DLGAP1: variants seen among roughly 807,000 people sequenced by gnomAD.
DLGAP1 encodes DLG associated protein 1.
A neutral mutation model predicts 90.8 loss-of-function variants in DLGAP1; 11 were observed. The observed-to-expected ratio is 0.12, with a 90% confidence interval of 0.08 to 0.20. The LOEUF (loss-of-function observed/expected upper bound fraction) is 0.20, where lower values mean the gene tolerates loss of function less well. Ranked by LOEUF, DLGAP1 falls within the 10% of genes least tolerant of loss-of-function variation. The pLI is 1.00. For missense variants in DLGAP1, 1,050 were observed against 1,333.8 expected, an observed-to-expected ratio of 0.79 and a Z score of 3.31; for synonymous variants, 558 against 540.7, an observed-to-expected ratio of 1.03 and a Z score of -0.44.
At chr18:3,826,349 G>A (rs2067710349) in intron 4 of DLGAP1, among the ~76,000 whole-genome samples, 1 of 152,178 alleles carries the variant, frequency 6.6e-6, no homozygotes, top group South Asian at 2.1e-4. Flanking sequence ...TGTATGTTAG[G>A]CAATGATACG....
chr18:4,401,599 C>T (rs370964685), intron 1 of DLGAP1, among the ~76,000 whole-genome samples: 4 of 152,024 alleles, frequency 2.6e-5, no homozygotes, highest in African/African-American at 7.2e-5. Flanking sequence ...AGCATAATCC[C>T]GTTGATCATA....
intron 1 of DLGAP1, among the ~76,000 whole-genome samples, chr18:4,202,577 G>T (rs1353470146): frequency 6.6e-6 from 1 of 152,066 alleles, no homozygotes. Context: ...AACACATTAT[G>T]GCAAGCCAGG....
In DLGAP1 at chr18:4,334,805, A is replaced by T. The variant is rs755557135; in HGVS notation, c.-267+120201T>A. Among the ~76,000 whole-genome samples the T allele has an allele frequency of 5.1e-4, 77 of 151,906 alleles. 1 individual carries two copies. The highest frequency in any genetic ancestry group is 1.0e-3 in the Non-Finnish European group (68 of 68,026). ...TTAAGAATGATTTTAAATAGAAGCAATATATTCCTTTGAGTTTGACTTTAT... is the reference window on the plus strand; with the variant it reads ...TTAAGAATGATTTTAAATAGAAGCATTATATTCCTTTGAGTTTGACTTTAT... On this transcript the variant is annotated intron_variant, in intron 1 of 12. Coordinates refer to ENST00000315677, the MANE Select transcript of DLGAP1 (RefSeq NM_004746.4).
rs779828063 is a variant in DLGAP1, at chr18:3,814,292, G to T, written c.958-19C>A. On this transcript the variant is annotated intron_variant, in intron 4 of 12. Coordinates refer to ENST00000315677, the MANE Select transcript of DLGAP1 (RefSeq NM_004746.4). ...GTGGAACCTATTCAGATAGAAAACA[G>T]ATAAATCACTTTTTATAAAAGCCTA... is the stretch of plus-strand genomic sequence containing the variant. 2 of 1,594,158 alleles carry T rather than the reference G, an allele frequency of 1.3e-6. No homozygotes were observed. Among genetic ancestry groups the T allele is most frequent in the Non-Finnish European group, 1.7e-6 (2 of 1,165,470 alleles).
At chr18:4,325,250 C>A (rs1598903281) in intron 1 of DLGAP1, among the ~76,000 whole-genome samples, 1 of 152,192 alleles carries the variant, frequency 6.6e-6, no homozygotes, top group South Asian at 2.1e-4. Flanking sequence ...GAACACAATC[C>A]CATTTATAAT....
chr18:4,258,002 TGTGTGTGTGCGC>T lies in DLGAP1; in HGVS notation c.-266-106727_-266-106716del, dbSNP rs1296242896. On this transcript the variant is annotated intron_variant, in intron 1 of 12. Transcript: ENST00000315677. ...GTGTGTGTGTGTGTGTGTGTGTGTG[TGTGTGTGTGCGC>T]GCGCGCGCGTATAACCTATGTTGAA... 4.3e-3 allele frequency among the ~76,000 whole-genome samples: 622 copies of T among 144,254 alleles called. 2 individuals are homozygous for T. Among genetic ancestry groups the T allele is most frequent in the African/African-American group, 0.017 (601 of 34,882 alleles). The allele number at this position is 144,254 out of a possible 152,430, so 94.6% of individuals were successfully genotyped here. A position where few individuals can be genotyped will look rare whatever the true frequency, so the allele number is the denominator to read the frequency against.
intron 1 of DLGAP1, among the ~76,000 whole-genome samples, chr18:4,319,510 G>A (rs937067964): frequency 1.3e-5 from 2 of 152,070 alleles, no homozygotes; most frequent in Non-Finnish European, 2.9e-5. Flanking sequence ...GGGGATCCTG[G>A]GAGGAGAAAT....
rs542122161 is a variant in DLGAP1, at chr18:3,916,254, G to A, written c.-72-36114C>T. On this transcript the variant is annotated intron_variant, in intron 3 of 12. Transcript: ENST00000315677. ...ACCAGCCAAATCTGTTTTTGTGCCC[G>A]TGTCTTCTCGGAGAACAGAGCAGCA... Among the ~76,000 whole-genome samples, 11 of 152,274 alleles carry A rather than the reference G, an allele frequency of 7.2e-5. No individual in the cohort carries two copies. In the South Asian group the frequency reaches 1.2e-3, roughly 17 times the overall value.
At chr18:4,059,138 C>T (rs2075264516) in intron 2 of DLGAP1, among the ~76,000 whole-genome samples, 1 of 152,186 alleles carries the variant, frequency 6.6e-6, no homozygotes, top group Non-Finnish European at 1.5e-5. Flanking sequence ...TGCTCCATTG[C>T]CTCCTCTGTA....
intron 2 of DLGAP1, among the ~76,000 whole-genome samples, chr18:4,101,481 T>C (rs1189885465): frequency 1.3e-5 from 2 of 152,132 alleles, no homozygotes. Flanking sequence ...AAAATATAAT[T>C]GTGAGAATTA....
At chr18:4,113,413 G>T (rs781249135) in intron 2 of DLGAP1, among the ~76,000 whole-genome samples, 1 of 152,062 alleles carries the variant, frequency 6.6e-6, no homozygotes, top group Non-Finnish European at 1.5e-5. Flanking sequence ...CTTCTTTTGA[G>T]AAGTGTCTGT....
At chr18:4,374,163 T>C (rs1355941498) in intron 1 of DLGAP1, among the ~76,000 whole-genome samples, 1 of 152,128 alleles carries the variant, frequency 6.6e-6, no homozygotes, top group East Asian at 1.9e-4. Flanking sequence ...AGACTATTTA[T>C]ATGGGGAACG....
chr18:3,831,942 A>G (rs1568208189), intron 4 of DLGAP1, among the ~76,000 whole-genome samples: 1 of 152,350 alleles, frequency 6.6e-6, no homozygotes, highest in East Asian at 1.9e-4. Context: ...TCAAGTTATC[A>G]GTGCAAATGA....
intron 1 of DLGAP1, among the ~76,000 whole-genome samples, chr18:4,257,157 G>T (rs2078904481): frequency 6.6e-6 from 1 of 152,184 alleles, no homozygotes; most frequent in African/African-American, 2.4e-5. Context: ...ATAATTCCTT[G>T]AAAGTGTAGG....
At chr18:3,957,846 A>C (rs1369077243) in intron 3 of DLGAP1, among the ~76,000 whole-genome samples, 2 of 151,858 alleles carry the variant, frequency 1.3e-5, no homozygotes, top group Non-Finnish European at 2.9e-5. Flanking sequence ...TATTTGATAA[A>C]GGTACCTTGT....
intron 6 of DLGAP1, among the ~76,000 whole-genome samples, chr18:3,733,096 A>C (rs2147511943): frequency 6.6e-6 from 1 of 152,300 alleles, no homozygotes; most frequent in South Asian, 2.1e-4. Context: ...CACAGAAAAC[A>C]TTATCAGTAC....
intron 7 of DLGAP1, among the ~76,000 whole-genome samples, chr18:3,599,167 C>T (rs1405266757): frequency 6.6e-6 from 1 of 152,228 alleles, no homozygotes; most frequent in Non-Finnish European, 1.5e-5. Flanking sequence ...CCTGTGAAGT[C>T]AGTACTAAAA....
chr18:3,752,963 C>T (rs990181850), intron 5 of DLGAP1, among the ~76,000 whole-genome samples: 1 of 151,964 alleles, frequency 6.6e-6, no homozygotes, highest in Admixed American at 6.6e-5. Flanking sequence ...ATTTTTTTGG[C>T]TATTATGAAT....
At chr18:4,368,794 T>C (rs968936161) in intron 1 of DLGAP1, among the ~76,000 whole-genome samples, 1 of 148,330 alleles carries the variant, frequency 6.7e-6, no homozygotes, top group African/African-American at 2.5e-5. Flanking sequence ...GTATTAATAA[T>C]GCCCAATATA....
Sources: gnomAD v4.1 joint callset for allele counts (sites outside exome capture counted in the v4.1 genomes callset) on GRCh38, gnomAD v4.1.1 for gene constraint, MANE v1.5 for transcripts, NCBI Gene and HGNC (gene_info 2026-07-23, HGNC 2026-07-21) for gene names.